ST6GALNAC5: variants seen among roughly 807,000 people sequenced by gnomAD.
ST6GALNAC5 encodes alpha-N-acetylgalactosaminide alpha-2,6-sialyltransferase 5.
ST6GALNAC5 carries 27 observed loss-of-function variants against 33.6 expected under a neutral mutation model. The ratio of observed to expected loss-of-function variants is 0.80; its 90% confidence interval spans 0.59 to 1.11. ST6GALNAC5 has a LOEUF of 1.11. Among genes scored for constraint, ST6GALNAC5 ranks in the 50% least tolerant of loss-of-function variants. The pLI, the probability that ST6GALNAC5 is intolerant of heterozygous loss-of-function variation, is 0.00. For missense variants in ST6GALNAC5, 428 were observed against 454.0 expected (o/e 0.94, Z 0.52); for synonymous variants, 194 against 171.2 (o/e 1.13, Z -1.04).
intron 2 of ST6GALNAC5, among the ~76,000 whole-genome samples, chr1:76,914,735 A>C (rs1236188893): frequency 6.6e-6 from 1 of 152,074 alleles, no homozygotes; most frequent in Admixed American, 6.5e-5. Context: ...AACCATAAAA[A>C]CCCTAGAAGA....
At chr1:76,982,533 T>A (rs1270854827) in intron 2 of ST6GALNAC5, among the ~76,000 whole-genome samples, 1 of 152,170 alleles carries the variant, frequency 6.6e-6, no homozygotes, top group East Asian at 1.9e-4. Flanking sequence ...CAAATCTACA[T>A]CTGATTGGTG....
rs115775269 is a variant in ST6GALNAC5 at position 76,884,968 on chromosome 1, A to G, written c.261+16226A>G. 4.3e-3 allele frequency among the ~76,000 whole-genome samples: 650 copies of G among 152,282 alleles called. 8 individuals are homozygous for G. Among genetic ancestry groups the G allele is most frequent in the African/African-American group, 0.015 (615 of 41,542 alleles). On this transcript the variant is annotated intron_variant, in intron 2 of 4. Coordinates refer to ENST00000477717, the MANE Select transcript of ST6GALNAC5 (RefSeq NM_030965.3). ...GCAAGATCAGGTCCTCCAAGGAGTTATACATCGCAATACTGACTGGTCTGA... is the reference window on the plus strand; with the variant it reads ...GCAAGATCAGGTCCTCCAAGGAGTTGTACATCGCAATACTGACTGGTCTGA...
intron 2 of ST6GALNAC5, among the ~76,000 whole-genome samples, chr1:76,941,979 T>C (rs762535795): frequency 1.4e-4 from 21 of 152,022 alleles, no homozygotes; most frequent in Non-Finnish European, 1.6e-4. Context: ...AAAACACTAG[T>C]TGTGTGGGTG....
intron 2 of ST6GALNAC5, among the ~76,000 whole-genome samples, chr1:76,988,054 C>T (rs757444476): frequency 2.6e-5 from 4 of 152,050 alleles, no homozygotes; most frequent in Non-Finnish European, 5.9e-5. Context: ...TTCTTGGAAG[C>T]CTTTTTCATT....
intron 2 of ST6GALNAC5, among the ~76,000 whole-genome samples, chr1:76,988,191 TC>T (rs1488830746): frequency 1.3e-5 from 2 of 152,142 alleles, no homozygotes; most frequent in Admixed American, 1.3e-4. Context: ...ATTTTGCATT[TC>T]TTTAAGTGTG....
At chr1:77,061,863 A>G (rs779793354) in intron 4 of ST6GALNAC5, among the ~76,000 whole-genome samples, 7 of 152,198 alleles carry the variant, frequency 4.6e-5, no homozygotes, top group African/African-American at 1.4e-4. Context: ...AGACAGAGAT[A>G]TAGAGGCAGA....
At chr1:77,037,502 T>A (rs199692) in intron 2 of ST6GALNAC5, among the ~76,000 whole-genome samples, 46,599 of 151,946 alleles carry the variant, frequency 0.31, 8,495 homozygotes, top group African/African-American at 0.51. Flanking sequence ...GTATCACACA[T>A]TATACCCATG....
intron 4 of ST6GALNAC5, among the ~76,000 whole-genome samples, chr1:77,053,465 A>C (rs1652294964): frequency 6.6e-6 from 1 of 152,176 alleles, no homozygotes; most frequent in African/African-American, 2.4e-5. Context: ...AAGGGAATGA[A>C]TGGCTGTGTC....
chr1:76,878,044 A>C (rs1557706991), intron 2 of ST6GALNAC5, among the ~76,000 whole-genome samples: 1 of 152,252 alleles, frequency 6.6e-6, no homozygotes, highest in Non-Finnish European at 1.5e-5. Context: ...GTCATTCTCC[A>C]AGATCCATCT....
intron 2 of ST6GALNAC5, among the ~76,000 whole-genome samples, chr1:76,920,474 T>C (rs974262643): frequency 6.6e-6 from 1 of 152,188 alleles, no homozygotes; most frequent in African/African-American, 2.4e-5. Context: ...AGTTCAGATA[T>C]AATGTCTGAC....
chr1:76,898,533 C>T (rs373881022), intron 2 of ST6GALNAC5, among the ~76,000 whole-genome samples: 26 of 152,152 alleles, frequency 1.7e-4, no homozygotes, highest in South Asian at 2.1e-4. Flanking sequence ...GGCCTTTTGA[C>T]CTTTTAGGGT....
intron 2 of ST6GALNAC5, among the ~76,000 whole-genome samples, chr1:77,027,104 A>G (rs1408804434): frequency 6.6e-6 from 1 of 152,250 alleles, no homozygotes; most frequent in African/African-American, 2.4e-5. Flanking sequence ...AGCAAGCAGC[A>G]GGTGCCAGTG....
intron 2 of ST6GALNAC5, among the ~76,000 whole-genome samples, chr1:76,903,429 C>G (rs1026241316): frequency 3.9e-5 from 6 of 152,112 alleles, no homozygotes; most frequent in Non-Finnish European, 5.9e-5. Context: ...TCATACATTG[C>G]TGGTGAAAAT....
At chr1:77,019,308 C>T (rs1441473391) in intron 2 of ST6GALNAC5, among the ~76,000 whole-genome samples, 4 of 152,184 alleles carry the variant, frequency 2.6e-5, no homozygotes, top group Non-Finnish European at 5.9e-5. Context: ...CAGGGCAGTG[C>T]ACTTTGTCAT....
intron 4 of ST6GALNAC5, among the ~76,000 whole-genome samples, chr1:77,053,273 G>C (rs139965583): frequency 4.6e-5 from 7 of 152,080 alleles, no homozygotes; most frequent in African/African-American, 1.7e-4. Flanking sequence ...GTAAGCTATC[G>C]CCAGGGCCAA....
chr1:77,035,504 G>A (rs1651615067), intron 2 of ST6GALNAC5, among the ~76,000 whole-genome samples: 1 of 152,124 alleles, frequency 6.6e-6, no homozygotes, highest in African/African-American at 2.4e-5. Context: ...TTCATCTCCT[G>A]TGGCTAGTGG....
chr1:76,882,352 C>A (rs966986421), intron 2 of ST6GALNAC5, among the ~76,000 whole-genome samples: 1 of 152,090 alleles, frequency 6.6e-6, no homozygotes, highest in African/African-American at 2.4e-5. Context: ...ACCTTCTCCA[C>A]AGTGGAGAAG....
At chr1:76,928,754 C>G (rs1647109204) in intron 2 of ST6GALNAC5, among the ~76,000 whole-genome samples, 1 of 152,098 alleles carries the variant, frequency 6.6e-6, no homozygotes, top group African/African-American at 2.4e-5. Flanking sequence ...CTATCCCCAC[C>G]CCTCTGCCTG....
intron 4 of ST6GALNAC5, among the ~76,000 whole-genome samples, chr1:77,051,532 G>A (rs143683765): frequency 5.1e-4 from 77 of 152,300 alleles, no homozygotes; most frequent in African/African-American, 1.7e-3. Flanking sequence ...CTCATCCATA[G>A]ACGTGGATGT....
Sources: gnomAD v4.1 joint callset for allele counts (sites outside exome capture counted in the v4.1 genomes callset) on GRCh38, gnomAD v4.1.1 for gene constraint, MANE v1.5 for transcripts, NCBI Gene and HGNC (gene_info 2026-07-23, HGNC 2026-07-21) for gene names.